CACNB4: variants seen among roughly 807,000 people sequenced by gnomAD.
The protein encoded by CACNB4 is voltage-dependent L-type calcium channel subunit beta-4.
Under a neutral mutation model 71.2 loss-of-function variants are expected in CACNB4, and 32 were observed. The ratio of observed to expected loss-of-function variants is 0.45; its 90% CI spans 0.34 to 0.60. The LOEUF is 0.60. Ranked by LOEUF, CACNB4 falls within the 20% of genes least tolerant of loss-of-function variation. The pLI is 0.01. For missense variants in CACNB4, 464 were observed against 647.9 expected (o/e 0.72, Z 3.08); for synonymous variants, 231 against 236.9 (o/e 0.97, Z 0.23).
At chr2:151,941,736 AC>A (rs1375837200) in intron 2 of CACNB4, among the ~76,000 whole-genome samples, 1 of 152,240 alleles carries the variant, frequency 6.6e-6, no homozygotes, top group African/African-American at 2.4e-5. Flanking sequence ...CTGGACATAC[AC>A]ATAATACCAA....
At chr2:151,938,716 C>T (rs866138607) in intron 2 of CACNB4, among the ~76,000 whole-genome samples, 4 of 152,242 alleles carry the variant, frequency 2.6e-5, no homozygotes, top group South Asian at 2.1e-4. Flanking sequence ...TTCGTCTCCT[C>T]ACCAACCCTC....
chr2:151,883,760 C>T (rs1332415662), intron 2 of CACNB4: 1 of 292,214 alleles, frequency 3.4e-6, no homozygotes, highest in Non-Finnish European at 6.6e-6. Context: ...AAAGATAAAT[C>T]CTACCTGTAT....
At chr2:151,856,017 C>A (rs1264602083) in intron 10 of CACNB4, among the ~76,000 whole-genome samples, 1 of 151,240 alleles carries the variant, frequency 6.6e-6, no homozygotes, top group African/African-American at 2.4e-5. Context: ...AAAGTAAGGC[C>A]AATTATATTA....
At chr2:152,048,032 T>C (rs1356255779) in intron 2 of CACNB4, among the ~76,000 whole-genome samples, 1 of 152,238 alleles carries the variant, frequency 6.6e-6, no homozygotes, top group Non-Finnish European at 1.5e-5. Context: ...CTGCAAATCC[T>C]AGTATCAGTG....
In CACNB4 at chr2:151,967,039, ATTTTTTTTTTTTT is replaced by A. The variant is rs5835390; in HGVS notation, c.148-83682_148-83670del. On this transcript the variant is annotated intron_variant, in intron 2 of 13. Coordinates refer to ENST00000539935, the MANE Select transcript of CACNB4 (RefSeq NM_000726.5). ...CCTGGCAATATGGCGCTGTCTCCAC[ATTTTTTTTTTTTT>A]TTTTTTTTTTTTTGAGACAGGGTCT... 1.2e-4 allele frequency: 11 copies of A among 94,468 alleles called. No homozygotes were observed. In the Admixed American group the frequency reaches 1.2e-3, roughly 11 times the overall value. 5.9% of individuals were successfully genotyped at this position (94,468 alleles called of 1,614,324 possible). A position where few individuals can be genotyped will look rare whatever the true frequency, so the allele number is the denominator to read the frequency against.
rs1553756480 is a variant in CACNB4, at chr2:151,875,697, C to CA, written c.521+728_521+729insT. Among the ~76,000 whole-genome samples the CA allele has an allele frequency of 6.0e-4, 28 of 46,708 alleles. 2 individuals are homozygous for CA. Among genetic ancestry groups the CA allele is most frequent in the East Asian group, 1.2e-3 (2 of 1,726 alleles). 30.6% of individuals were successfully genotyped at this position (46,708 alleles called of 152,430 possible). A position where few individuals can be genotyped will look rare whatever the true frequency, so the allele number is the denominator to read the frequency against. ...CTGACCCCCCCACCTCCCTCCCGGA[C>CA]GGGCGGCTGGCCGGGCAGAGGGGCT... On this transcript the variant is annotated intron_variant, in intron 5 of 13. Coordinates refer to ENST00000539935, the MANE Select transcript of CACNB4 (RefSeq NM_000726.5).
intron 2 of CACNB4, among the ~76,000 whole-genome samples, chr2:151,929,802 A>C (rs550656022): frequency 6.6e-6 from 1 of 152,320 alleles, no homozygotes; most frequent in Admixed American, 6.5e-5. Context: ...AATATGTAGA[A>C]TACTTGGGGA....
At chr2:152,072,279 G>A (rs1229938699) in intron 2 of CACNB4, among the ~76,000 whole-genome samples, 3 of 152,216 alleles carry the variant, frequency 2.0e-5, no homozygotes, top group Non-Finnish European at 2.9e-5. Flanking sequence ...CCAGACCAAG[G>A]GAGCACAGTC....
chr2:151,841,221 T>C (rs112685189), intron 13 of CACNB4, among the ~76,000 whole-genome samples: 1,923 of 152,314 alleles, frequency 0.013, 37 homozygotes, highest in African/African-American at 0.044. Flanking sequence ...CTGAAAGGCC[T>C]ATCTGCACCT....
intron 2 of CACNB4, among the ~76,000 whole-genome samples, chr2:152,037,571 C>T (rs1684660664): frequency 6.6e-6 from 1 of 152,196 alleles, no homozygotes; most frequent in Non-Finnish European, 1.5e-5. Context: ...TTGAAGTATT[C>T]CATGAACAAC....
chr2:152,010,374 G>A (rs907086407), intron 2 of CACNB4, among the ~76,000 whole-genome samples: 4 of 152,314 alleles, frequency 2.6e-5, no homozygotes, highest in South Asian at 2.1e-4. Flanking sequence ...CGGGTTTAAC[G>A]TGGAAGGCTT....
At chr2:151,906,325 T>A (rs1484812741) in intron 2 of CACNB4, among the ~76,000 whole-genome samples, 3 of 152,232 alleles carry the variant, frequency 2.0e-5, no homozygotes, top group Non-Finnish European at 4.4e-5. Flanking sequence ...GGTTGCCCTA[T>A]GAGTAAAAGC....
chr2:151,842,320 CTTT>C (rs35662354), intron 12 of CACNB4, among the ~76,000 whole-genome samples: 4 of 67,700 alleles, frequency 5.9e-5, no homozygotes, highest in Admixed American at 3.3e-4. Context: ...ATATTTGGAT[CTTT>C]TTTTTTTTTT....
At chr2:151,933,301 A>G (rs1397872887) in intron 2 of CACNB4, among the ~76,000 whole-genome samples, 1 of 151,980 alleles carries the variant, frequency 6.6e-6, no homozygotes, top group Non-Finnish European at 1.5e-5. Flanking sequence ...GCATGTTATT[A>G]ACAGGATATT....
chr2:151,860,600 G>T, intron 10 of CACNB4, 111 bp downstream of exon 10: 1 of 768,318 alleles, frequency 1.3e-6, no homozygotes, highest in Non-Finnish European at 2.3e-6. Context: ...GGTACTCAGT[G>T]CTCCCCCGTT....
intron 2 of CACNB4, among the ~76,000 whole-genome samples, chr2:152,079,190 G>A (rs1018601276): frequency 5.3e-5 from 8 of 152,026 alleles, no homozygotes; most frequent in Admixed American, 2.6e-4. Flanking sequence ...CCAGGTTCAC[G>A]CCATTCTCCT....
At chr2:151,963,865 C>T (rs976204183) in intron 2 of CACNB4, among the ~76,000 whole-genome samples, 9 of 151,834 alleles carry the variant, frequency 5.9e-5, no homozygotes, top group Admixed American at 3.9e-4. Context: ...GTCAGGAGTT[C>T]GAGACCAGCC....
At chr2:151,909,450 C>CAAA (rs11324988) in intron 2 of CACNB4, among the ~76,000 whole-genome samples, 1 of 105,612 alleles carries the variant, frequency 9.5e-6, no homozygotes, top group Non-Finnish European at 2.5e-5. Flanking sequence ...AGGAAAAAAA[C>CAAA]AAAAAAAAAA....
chr2:151,892,223 C>T (rs11680386), intron 2 of CACNB4, among the ~76,000 whole-genome samples: 10 of 152,074 alleles, frequency 6.6e-5, no homozygotes, highest in Admixed American at 4.6e-4. Flanking sequence ...CTCACATGGC[C>T]CCCAGAGTGG....
Sources: gnomAD v4.1 joint callset for allele counts (sites outside exome capture counted in the v4.1 genomes callset) on GRCh38, gnomAD v4.1.1 for gene constraint, MANE v1.5 for transcripts, NCBI Gene and HGNC (gene_info 2026-07-23, HGNC 2026-07-21) for gene names.